Variants in CAMKMT observed in about 807,000 individuals in gnomAD.
CAMKMT encodes the protein CaM KMT.
In CAMKMT, 53 loss-of-function variants were observed where a neutral mutation model predicts 48.0. That is an observed-to-expected ratio of 1.10 (90% CI 0.89 to 1.39). The LOEUF (loss-of-function observed/expected upper bound fraction) is 1.39, where lower values mean the gene tolerates loss of function less well. CAMKMT is among the 40% of genes most tolerant of loss of function. CAMKMT has a pLI of 0.00. For synonymous variants in CAMKMT, 165 were observed against 152.3 expected, an observed-to-expected ratio of 1.08 and a Z score of -0.61; for missense variants, 428 against 402.7, an observed-to-expected ratio of 1.06 and a Z score of -0.54.
intron 7 of CAMKMT, among the ~76,000 whole-genome samples, chr2:44,731,449 T>C (rs1679075246): frequency 6.6e-6 from 1 of 152,166 alleles, no homozygotes. Flanking sequence ...AAATAAATTC[T>C]TTAAACCTCT....
intron 3 of CAMKMT, among the ~76,000 whole-genome samples, chr2:44,409,353 G>A (rs951341697): frequency 1.8e-4 from 27 of 151,994 alleles, no homozygotes; most frequent in African/African-American, 6.5e-4. Context: ...CATTTGTTAT[G>A]TTCTTCAGAC....
At chr2:44,533,480 C>T (rs1389212960) in intron 3 of CAMKMT, among the ~76,000 whole-genome samples, 5 of 151,876 alleles carry the variant, frequency 3.3e-5, no homozygotes. Context: ...CTCAAATGAT[C>T]CATCTGCCTT....
At chr2:44,740,376 C>A (rs375652334) in intron 7 of CAMKMT, among the ~76,000 whole-genome samples, 1 of 152,030 alleles carries the variant, frequency 6.6e-6, no homozygotes, top group Non-Finnish European at 1.5e-5. Context: ...GCAATCCACC[C>A]GCTTCGGTCT....
rs1355732994 is a variant in CAMKMT at position 44,362,057 on chromosome 2, C to T, written c.50C>T (p.Ala17Val). 5 of 1,435,972 alleles carry T rather than the reference C, an allele frequency of 3.5e-6. No homozygotes were observed. Among genetic ancestry groups the T allele is most frequent in the Admixed American group, 3.5e-5 (1 of 28,784 alleles). 89.0% of individuals were successfully genotyped at this position (1,435,972 alleles called of 1,614,324 possible). A position where few individuals can be genotyped will look rare whatever the true frequency, so the allele number is the denominator to read the frequency against. The change falls in exon 1 of 11, where the codon GCG (alanine) becomes GTG (valine). Residue 17 changes from alanine (A) to valine (V), a missense_variant. Ala to Val is a moderately conservative substitution (Grantham distance 64). Transcript: ENST00000378494. ...DAGTGETARA[A>V]GGSPAVGCTT... The stretch of plus-strand genomic sequence containing the variant: ...GGGACCGGCGAGACCGCGCGAGCAG[C>T]GGGCGGGAGTCCGGCAGTTGGCTGC...
chr2:44,393,023 A>G (rs1174328965), intron 3 of CAMKMT, among the ~76,000 whole-genome samples: 1 of 152,146 alleles, frequency 6.6e-6, no homozygotes, highest in Admixed American at 6.5e-5. Context: ...CAAAAACCTG[A>G]TATGTGTAGA....
intron 3 of CAMKMT, among the ~76,000 whole-genome samples, chr2:44,497,290 T>C (rs1307585408): frequency 6.6e-6 from 1 of 152,150 alleles, no homozygotes; most frequent in African/African-American, 2.4e-5. Context: ...ATAAATAGTG[T>C]AGATTGGACA....
chr2:44,645,441 C>T (rs1673679637), intron 3 of CAMKMT, among the ~76,000 whole-genome samples: 3 of 152,124 alleles, frequency 2.0e-5, no homozygotes, highest in Admixed American at 6.5e-5. Context: ...GCCCTGGGCT[C>T]TAGGAAGTTT....
intron 3 of CAMKMT, among the ~76,000 whole-genome samples, chr2:44,679,634 A>G (rs888033726): frequency 6.6e-6 from 1 of 152,244 alleles, no homozygotes; most frequent in African/African-American, 2.4e-5. Context: ...AACGTTAACA[A>G]TGAGTTGAGT....
chr2:44,490,339 G>C (rs1323896988), intron 3 of CAMKMT, among the ~76,000 whole-genome samples: 1 of 151,906 alleles, frequency 6.6e-6, no homozygotes, highest in East Asian at 1.9e-4. Context: ...GCAATGGCGC[G>C]ATCTTGGCTC....
chr2:44,381,186 G>A (rs1038388794), intron 2 of CAMKMT, among the ~76,000 whole-genome samples: 2 of 151,944 alleles, frequency 1.3e-5, no homozygotes, highest in Non-Finnish European at 2.9e-5. Context: ...TTTCCAGAAT[G>A]ACAAGTTTTG....
chr2:44,727,229 C>T (rs2104334801), intron 7 of CAMKMT, among the ~76,000 whole-genome samples: 1 of 152,262 alleles, frequency 6.6e-6, no homozygotes, highest in Admixed American at 6.5e-5. Context: ...ATTTTTACAA[C>T]ATTGATTCTT....
intron 3 of CAMKMT, among the ~76,000 whole-genome samples, chr2:44,579,978 C>T (rs1176453759): frequency 6.6e-6 from 1 of 152,018 alleles, no homozygotes; most frequent in Non-Finnish European, 1.5e-5. Flanking sequence ...ATGAGGTGTC[C>T]TAGTTTTTTT....
intron 3 of CAMKMT, among the ~76,000 whole-genome samples, chr2:44,603,920 G>T (rs1271888320): frequency 6.6e-6 from 1 of 152,178 alleles, no homozygotes; most frequent in Non-Finnish European, 1.5e-5. Flanking sequence ...TTATAATCTA[G>T]TTGTGTAGAT....
At chr2:44,576,770 A>G (rs1375764210) in intron 3 of CAMKMT, among the ~76,000 whole-genome samples, 1 of 152,218 alleles carries the variant, frequency 6.6e-6, no homozygotes, top group Non-Finnish European at 1.5e-5. Context: ...GAGTGCTACC[A>G]TTTGCTCAGA....
At chr2:44,427,581 C>G (rs917321121) in intron 3 of CAMKMT, among the ~76,000 whole-genome samples, 3 of 152,058 alleles carry the variant, frequency 2.0e-5, no homozygotes, top group African/African-American at 4.8e-5. Flanking sequence ...GGATGCACAT[C>G]GAAAACACAA....
chr2:44,648,110 G>T (rs1047376907), intron 3 of CAMKMT, among the ~76,000 whole-genome samples: 9 of 151,860 alleles, frequency 5.9e-5, no homozygotes, highest in Non-Finnish European at 1.3e-4. Flanking sequence ...ACAGGGAAGG[G>T]TGTCCAATGA....
intron 3 of CAMKMT, among the ~76,000 whole-genome samples, chr2:44,636,893 C>G (rs939576531): frequency 6.6e-6 from 1 of 152,184 alleles, no homozygotes; most frequent in Non-Finnish European, 1.5e-5. Context: ...ATGCACCTTT[C>G]TCTTGCCCCA....
rs777448763 is a variant in CAMKMT at position 44,706,324 on chromosome 2, T to C, written c.475T>C (p.Cys159Arg). The C allele has an allele frequency of 4.3e-6, 7 of 1,613,426 alleles. No individual in the cohort carries two copies. The highest frequency in any genetic ancestry group is 5.1e-6 in the Non-Finnish European group (6 of 1,179,536). Reference protein sequence around the residue: ...AVCELGGGMTCLAGLMVAISA... With the variant: ...AVCELGGGMTRLAGLMVAISA... ...GTGTGAGCTAGGGGGTGGCATGACATGCTTGGCTGGGCTCATGGTAGGTCT... is the reference window on the plus strand; with the variant it reads ...GTGTGAGCTAGGGGGTGGCATGACACGCTTGGCTGGGCTCATGGTAGGTCT... Residue 159 changes from cysteine to arginine, a missense_variant, in exon 5 of 11, where the codon TGC (cysteine) becomes CGC (arginine). By Grantham distance (180) the Cys-to-Arg change is radical (BLOSUM62 -3). Transcript: ENST00000378494.
intron 1 of CAMKMT, among the ~76,000 whole-genome samples, chr2:44,363,676 G>A (rs902272245): frequency 1.3e-5 from 2 of 149,564 alleles, no homozygotes; most frequent in African/African-American, 2.5e-5. Context: ...CACCGTGCCC[G>A]GCAACCCCCT....
Sources: gnomAD v4.1 joint callset for allele counts (sites outside exome capture counted in the v4.1 genomes callset) on GRCh38, gnomAD v4.1.1 for gene constraint, MANE v1.5 for transcripts, NCBI Gene and HGNC (gene_info 2026-07-23, HGNC 2026-07-21) for gene names.